DIAPH1: variants seen among roughly 807,000 people sequenced by gnomAD.
DIAPH1 encodes diaphanous related formin 1.
In DIAPH1, 46 loss-of-function variants were observed where a neutral mutation model predicts 140.7. That is an observed-to-expected ratio of 0.33 (90% CI 0.26 to 0.42). The LOEUF (loss-of-function observed/expected upper bound fraction) is 0.42, where lower values mean the gene tolerates loss of function less well. DIAPH1 is among the 10% of genes least tolerant of loss of function. The probability of loss-of-function intolerance (pLI) is 1.00; values close to 1 mark genes in which losing one functional copy is unlikely to be tolerated. For synonymous variants in DIAPH1, 565 were observed against 551.6 expected, an observed-to-expected ratio of 1.02 and a Z score of -0.34; for missense variants, 1,310 against 1,558.7, an observed-to-expected ratio of 0.84 and a Z score of 2.69.
At chr5:141,535,663 T>C (rs2099888893) in intron 18 of DIAPH1, among the ~76,000 whole-genome samples, 1 of 152,242 alleles carries the variant, frequency 6.6e-6, no homozygotes, top group Non-Finnish European at 1.5e-5. Context: ...AAATGGTTGA[T>C]GCTGGCTATC....
At chr5:141,562,154 G>T (rs1232299175) in intron 18 of DIAPH1, among the ~76,000 whole-genome samples, 3 of 150,810 alleles carry the variant, frequency 2.0e-5, no homozygotes, top group Non-Finnish European at 4.4e-5. Context: ...TTTTTAGGAA[G>T]ATCAAAAGGA....
At chr5:141,614,402 AG>A (rs2099902324) in intron 1 of DIAPH1, among the ~76,000 whole-genome samples, 1 of 152,184 alleles carries the variant, frequency 6.6e-6, no homozygotes, top group Non-Finnish European at 1.5e-5. Flanking sequence ...TAAAATACCA[AG>A]GGCCTTGGGG....
intron 1 of DIAPH1, among the ~76,000 whole-genome samples, chr5:141,617,621 C>T (rs1431141268): frequency 6.6e-6 from 1 of 152,102 alleles, no homozygotes; most frequent in Non-Finnish European, 1.5e-5. Context: ...AGTGTAAGGG[C>T]ATAAATACCT....
intron 18 of DIAPH1, among the ~76,000 whole-genome samples, chr5:141,547,924 G>A (rs930642402): frequency 6.6e-6 from 1 of 152,136 alleles, no homozygotes; most frequent in African/African-American, 2.4e-5. Flanking sequence ...TGGGTGTGGT[G>A]ATCCAGATGA....
At chr5:141,542,717 G>C (rs949889721) in intron 18 of DIAPH1, among the ~76,000 whole-genome samples, 8 of 152,200 alleles carry the variant, frequency 5.3e-5, no homozygotes, top group African/African-American at 1.9e-4. Flanking sequence ...AGGAGCAACT[G>C]CTTAAAGTGT....
rs1030582691 is a variant in DIAPH1, at chr5:141,515,168, C to G, written c.*1683G>C. The G allele has an allele frequency of 6.6e-6, 1 of 152,348 alleles. No homozygotes were observed. The highest frequency in any genetic ancestry group is 6.6e-5 in the Admixed American group (1 of 15,260). 9.4% of individuals were successfully genotyped at this position (152,348 alleles called of 1,614,324 possible). A position where few individuals can be genotyped will look rare whatever the true frequency, so the allele number is the denominator to read the frequency against. On this transcript the variant is annotated 3_prime_UTR_variant, in exon 28 of 28. Coordinates refer to ENST00000389054, the MANE Select transcript of DIAPH1 (RefSeq NM_005219.5). ...CTCTCTTTTTTTTTATTAAATGCAT[C>G]TTAGCAAAAGTAGATTAAAAAAGAA...
At chr5:141,517,770 G>T (rs564562983) in intron 27 of DIAPH1, among the ~76,000 whole-genome samples, 1 of 152,164 alleles carries the variant, frequency 6.6e-6, no homozygotes. Context: ...CTCAGCCCAG[G>T]TGGCTAAGAG....
chr5:141,559,876 T>C (rs972456104), intron 18 of DIAPH1, among the ~76,000 whole-genome samples: 1 of 152,196 alleles, frequency 6.6e-6, no homozygotes, highest in Admixed American at 6.5e-5. Context: ...GATTAAAAAA[T>C]GTTTTATTAT....
intron 18 of DIAPH1, among the ~76,000 whole-genome samples, chr5:141,551,247 CAAG>C (rs1446797423): frequency 6.6e-6 from 1 of 152,158 alleles, no homozygotes; most frequent in Non-Finnish European, 1.5e-5. Context: ...CCCAAGAGTT[CAAG>C]AAGAGCCTGG....
intron 1 of DIAPH1, among the ~76,000 whole-genome samples, chr5:141,598,103 G>T (rs2099899600): frequency 6.6e-6 from 1 of 152,208 alleles, no homozygotes; most frequent in Non-Finnish European, 1.5e-5. Context: ...AGAATCTGAA[G>T]CTGGGCTATG....
chr5:141,613,579 C>T (rs1292143441), intron 1 of DIAPH1, among the ~76,000 whole-genome samples: 2 of 152,118 alleles, frequency 1.3e-5, no homozygotes, highest in Non-Finnish European at 2.9e-5. Context: ...AAAGTCCCTT[C>T]CAACTCTGAA....
chr5:141,571,603 C>A (rs920400007), intron 17 of DIAPH1, among the ~76,000 whole-genome samples, 167 bp from the exon 18 acceptor site: 2 of 152,178 alleles, frequency 1.3e-5, no homozygotes, highest in African/African-American at 2.4e-5. Context: ...GAACTGGAAA[C>A]TGCACCTTAA....
At chr5:141,539,730 C>T (rs1447517204) in intron 18 of DIAPH1, among the ~76,000 whole-genome samples, 3 of 152,186 alleles carry the variant, frequency 2.0e-5, no homozygotes, top group East Asian at 3.9e-4. Flanking sequence ...CAGTTGTTCA[C>T]GGTATTCTTT....
chr5:141,604,092 A>G (rs1178948332), intron 1 of DIAPH1, among the ~76,000 whole-genome samples: 1 of 152,194 alleles, frequency 6.6e-6, no homozygotes, highest in South Asian at 2.1e-4. Flanking sequence ...GCCAACAGAG[A>G]AAGTGCTCAG....
intron 27 of DIAPH1, among the ~76,000 whole-genome samples, chr5:141,523,941 A>G (rs571321141): frequency 1.3e-5 from 2 of 151,942 alleles, no homozygotes; most frequent in South Asian, 2.1e-4. Context: ...AATGTAACTG[A>G]TTTATTGCCA....
chr5:141,612,695 G>C (rs942336340), intron 1 of DIAPH1, among the ~76,000 whole-genome samples: 3 of 152,170 alleles, frequency 2.0e-5, no homozygotes, highest in Non-Finnish European at 4.4e-5. Flanking sequence ...GAAGGTGACT[G>C]CTATATTCAT....
At chr5:141,525,802 G>A (rs1410332775) in intron 26 of DIAPH1, among the ~76,000 whole-genome samples, 1 of 152,196 alleles carries the variant, frequency 6.6e-6, no homozygotes, top group Non-Finnish European at 1.5e-5. Flanking sequence ...AGGGGAATGA[G>A]AGAGAATGCA....
chr5:141,599,512 G>C (rs577717123), intron 1 of DIAPH1, among the ~76,000 whole-genome samples: 12 of 152,286 alleles, frequency 7.9e-5, no homozygotes, highest in African/African-American at 2.9e-4. Flanking sequence ...AAAGGTTTTT[G>C]TGTTCTTGGC....
intron 18 of DIAPH1, among the ~76,000 whole-genome samples, chr5:141,537,416 G>C (rs993010342): frequency 1.4e-5 from 2 of 141,554 alleles, no homozygotes; most frequent in Non-Finnish European, 3.0e-5. Context: ...CTGGGAGGCA[G>C]AGGTTGTGGT....
Sources: gnomAD v4.1 joint callset for allele counts (sites outside exome capture counted in the v4.1 genomes callset) on GRCh38, gnomAD v4.1.1 for gene constraint, MANE v1.5 for transcripts, NCBI Gene and HGNC (gene_info 2026-07-23, HGNC 2026-07-21) for gene names.